CEP112: variants seen among roughly 807,000 people sequenced by gnomAD.
The protein encoded by CEP112 is centrosomal protein 112, also known as centrosomal protein of 112 kDa.
A neutral mutation model predicts 153.0 loss-of-function variants in CEP112; 127 were observed. The ratio of observed to expected loss-of-function variants is 0.83; its 90% confidence interval spans 0.72 to 0.96. The LOEUF is 0.96. Among genes scored for constraint, CEP112 ranks in the 40% least tolerant of loss-of-function variants. The probability of loss-of-function intolerance (pLI) is 0.00; values close to 1 mark genes in which losing one functional copy is unlikely to be tolerated. For missense variants in CEP112, 1,089 were observed against 1,101.2 expected (o/e 0.99, Z 0.16); for synonymous variants, 358 against 374.4 (o/e 0.96, Z 0.51).
chr17:65,711,926 G>T (rs981879165), intron 23 of CEP112, among the ~76,000 whole-genome samples: 1 of 152,192 alleles, frequency 6.6e-6, no homozygotes, highest in Non-Finnish European at 1.5e-5. Context: ...AAAGTAGCAT[G>T]TACTCACTGC....
intron 3 of CEP112, 65 bp from the exon 4 acceptor site, chr17:66,175,281 C>T: frequency 1.7e-6 from 2 of 1,188,792 alleles, no homozygotes; most frequent in Non-Finnish European, 2.2e-6. Flanking sequence ...CTAAAATTTC[C>T]ATCAAGTTTC....
chr17:66,185,781 T>C (rs1036303123), intron 1 of CEP112, among the ~76,000 whole-genome samples: 6 of 152,236 alleles, frequency 3.9e-5, no homozygotes, highest in Non-Finnish European at 8.8e-5. Flanking sequence ...ACAAATTCTA[T>C]ATTCGGTGAA....
At chr17:65,827,373 C>T (rs1456885869) in intron 21 of CEP112, among the ~76,000 whole-genome samples, 1 of 152,180 alleles carries the variant, frequency 6.6e-6, no homozygotes, top group African/African-American at 2.4e-5. Flanking sequence ...CTATGGCTTA[C>T]TTTCTGGCTC....
intron 22 of CEP112, among the ~76,000 whole-genome samples, chr17:65,747,245 C>T (rs755573860): frequency 2.0e-5 from 3 of 152,194 alleles, no homozygotes; most frequent in African/African-American, 4.8e-5. Context: ...AACACTGACG[C>T]TCCTCACAAA....
chr17:66,001,267 G>A (rs1336221913), intron 17 of CEP112, among the ~76,000 whole-genome samples: 1 of 152,170 alleles, frequency 6.6e-6, no homozygotes, highest in Non-Finnish European at 1.5e-5. Context: ...CTTTTGAAAA[G>A]TCTATTCATG....
Position 66,066,847 on chromosome 17 carries a change from C to A in CEP112, c.886G>T (p.Glu296Ter). The A allele has an allele frequency of 6.5e-7, 1 of 1,541,684 alleles. No individual in the cohort carries two copies. The highest frequency in any genetic ancestry group is 1.2e-5 in the South Asian group (1 of 80,722). Residue 296 changes from glutamate to a stop codon, truncating the protein, a stop_gained, in exon 10 of 27, where the codon GAA becomes TAA. Transcript: ENST00000535342. LOFTEE classifies it high-confidence loss of function. ...TTACTCCTGTATAAAGTTTTCAGTT[C>A]TTCTATTTCATTATTCTTTCTTTCT... ...ILERKNNEIE[E>*]LKTLYRSKQH...
At chr17:65,820,116 A>G (rs1198360286) in intron 21 of CEP112, among the ~76,000 whole-genome samples, 2 of 152,130 alleles carry the variant, frequency 1.3e-5, no homozygotes, top group Non-Finnish European at 2.9e-5. Flanking sequence ...AATGTTAAAA[A>G]GGCATCTTCA....
chr17:65,668,891 C>T (rs748629762), intron 24 of CEP112, among the ~76,000 whole-genome samples: 1 of 152,200 alleles, frequency 6.6e-6, no homozygotes, highest in Non-Finnish European at 1.5e-5. Flanking sequence ...TCTCCTTTCT[C>T]TCTCCATCAC....
chr17:66,105,613 G>T (rs1291036799), intron 6 of CEP112, among the ~76,000 whole-genome samples: 1 of 152,086 alleles, frequency 6.6e-6, no homozygotes, highest in Admixed American at 6.6e-5. Flanking sequence ...GGGTAACATT[G>T]TAAAACCCCG....
At chr17:66,002,253 C>A (rs1316417530) in intron 17 of CEP112, among the ~76,000 whole-genome samples, 1 of 152,134 alleles carries the variant, frequency 6.6e-6, no homozygotes, top group Non-Finnish European at 1.5e-5. Flanking sequence ...GAAAAATTCC[C>A]AGCCTTTGTC....
chr17:65,754,937 C>T (rs901681376), intron 21 of CEP112, among the ~76,000 whole-genome samples: 5 of 151,896 alleles, frequency 3.3e-5, no homozygotes, highest in South Asian at 2.1e-4. Flanking sequence ...TTGGGGGTTG[C>T]GGGGAGGGAG....
intron 21 of CEP112, among the ~76,000 whole-genome samples, chr17:65,762,869 A>G (rs1307741523): frequency 6.6e-6 from 1 of 152,042 alleles, no homozygotes; most frequent in Non-Finnish European, 1.5e-5. Flanking sequence ...ATGAAGAAAA[A>G]TAAAAGTTTT....
At chr17:65,783,564 A>G (rs2054113961) in intron 21 of CEP112, among the ~76,000 whole-genome samples, 1 of 152,254 alleles carries the variant, frequency 6.6e-6, no homozygotes, top group Non-Finnish European at 1.5e-5. Context: ...ATAAATGGAT[A>G]AGAAAATTGT....
At chr17:65,813,850 C>T (rs2056120885) in intron 21 of CEP112, among the ~76,000 whole-genome samples, 1 of 152,144 alleles carries the variant, frequency 6.6e-6, no homozygotes, top group Non-Finnish European at 1.5e-5. Flanking sequence ...TTGTATCTGA[C>T]TTTAAAAAAT....
intron 12 of CEP112, among the ~76,000 whole-genome samples, chr17:66,035,405 G>A (rs2065695024): frequency 6.6e-6 from 1 of 152,054 alleles, no homozygotes; most frequent in Non-Finnish European, 1.5e-5. Context: ...ATCCTTATTT[G>A]TCTTCACCTG....
intron 21 of CEP112, among the ~76,000 whole-genome samples, chr17:65,780,590 C>T (rs781203096): frequency 5.9e-5 from 9 of 152,026 alleles, no homozygotes; most frequent in Admixed American, 3.9e-4. Flanking sequence ...GACACTGTTA[C>T]ACTTTATACT....
rs894928534 is a variant in CEP112, at chr17:65,670,364, T to TA, written c.2697+18764dup. Among the ~76,000 whole-genome samples the TA allele has an allele frequency of 7.5e-3, 1,086 of 144,480 alleles. 12 individuals are homozygous for TA. Among genetic ancestry groups the TA allele is most frequent in the African/African-American group, 0.024 (962 of 39,670 alleles). The allele number at this position is 144,480 out of a possible 152,430, so 94.8% of individuals were successfully genotyped here. On this transcript the variant is annotated intron_variant, in intron 24 of 26. Coordinates refer to ENST00000535342, the MANE Select transcript of CEP112 (RefSeq NM_001199165.4). ...TATATTTTTATAACTCAGTTGTAAC[T>TA]AAAAAAAAAAACCCTCATAATTGAA... is the stretch of plus-strand genomic sequence containing the variant.
chr17:66,166,626 G>A (rs184565883), intron 4 of CEP112, among the ~76,000 whole-genome samples: 19 of 152,200 alleles, frequency 1.2e-4, no homozygotes, highest in East Asian at 3.9e-4. Flanking sequence ...AGCCGAGCAC[G>A]GTGGCTCACA....
chr17:65,995,673 T>C (rs895936373), intron 17 of CEP112, among the ~76,000 whole-genome samples: 6 of 152,204 alleles, frequency 3.9e-5, no homozygotes, highest in African/African-American at 1.2e-4. Flanking sequence ...TCAAGTTTTA[T>C]TGAAATTTCT....
Sources: gnomAD v4.1 joint callset for allele counts (sites outside exome capture counted in the v4.1 genomes callset) on GRCh38, gnomAD v4.1.1 for gene constraint, MANE v1.5 for transcripts, NCBI Gene and HGNC (gene_info 2026-07-23, HGNC 2026-07-21) for gene names.